Variants in MUC5AC observed in about 807,000 individuals in gnomAD.
MUC5AC encodes the protein mucin-5AC.
In MUC5AC, 158 loss-of-function variants were observed where a neutral mutation model predicts 169.7. The observed-to-expected ratio is 0.93, with a 90% CI of 0.82 to 1.06. The LOEUF (loss-of-function observed/expected upper bound fraction) is 1.06, where lower values mean the gene tolerates loss of function less well. MUC5AC is among the 50% of genes least tolerant of loss of function. MUC5AC has a pLI of 0.00. For synonymous variants in MUC5AC, 1,975 were observed against 1,237.0 expected, an observed-to-expected ratio of 1.60 and a Z score of -12.52; for missense variants, 4,359 against 3,089.9, an observed-to-expected ratio of 1.41 and a Z score of -9.74.
At position 1,197,894 on chromosome 11, in the gene MUC5AC, C is replaced by A. The variant is rs1428022316; in HGVS notation, c.16034-9C>A. 4 of 711,180 alleles carry A rather than the reference C, an allele frequency of 5.6e-6. No individual in the cohort carries two copies. Among genetic ancestry groups the A allele is most frequent in the Non-Finnish European group, 1.0e-5 (4 of 391,500 alleles). The allele number at this position is 711,180 out of a possible 1,614,324, so 44.1% of individuals were successfully genotyped here. ...CAGACTCCTAATTGCCTCACTCCCG[C>A]CCCCGCAGCCTGCAACACCAGCCGC... On this transcript the variant is annotated splice_polypyrimidine_tract_variant and intron_variant, in intron 41 of 48. Coordinates refer to ENST00000621226, the MANE Select transcript of MUC5AC (RefSeq NM_001304359.2).
At position 1,186,068 on chromosome 11, in the gene MUC5AC, C is replaced by A. The variant is rs1213732183; in HGVS notation, c.7923C>A (p.Thr2641=). 1.4e-6 allele frequency: 1 copy of A among 739,470 alleles called. No homozygotes were observed. The highest frequency in any genetic ancestry group is 1.8e-5 in the Admixed American group (1 of 55,128). 45.8% of individuals were successfully genotyped at this position (739,470 alleles called of 1,614,324 possible). A position where few individuals can be genotyped will look rare whatever the true frequency, so the allele number is the denominator to read the frequency against. ...GPETTPSPVP[T]ASTTSASTTS... is the part of the protein sequence containing the mutation. ...AAACTACTCCCAGCCCTGTTCCTAC[C>A]GCCAGCACAACCTCTGCTTCTACAA... is the stretch of plus-strand genomic sequence containing the variant. Residue 2641 remains threonine (T), a synonymous_variant, in exon 31 of 49, where the codon ACC becomes ACA. Coordinates refer to ENST00000621226, the MANE Select transcript of MUC5AC (RefSeq NM_001304359.2).
chr11:1,190,753 C>G lies in MUC5AC; in HGVS notation c.12608C>G (p.Ser4203Cys), dbSNP rs1477923650. The G allele has an allele frequency of 5.7e-6, 4 of 704,414 alleles. No homozygotes were observed. Among genetic ancestry groups the G allele is most frequent in the Non-Finnish European group, 1.0e-5 (4 of 386,006 alleles). 43.6% of individuals were successfully genotyped at this position (704,414 alleles called of 1,614,324 possible). A position where few individuals can be genotyped will look rare whatever the true frequency, so the allele number is the denominator to read the frequency against. ...TISSPTSSTT[S>C]TPQTSKTSAA... Reference sequence around the variant, plus strand: ...TCTTCCCCTACAAGCAGCACAACCTCCACTCCACAGACCAGCAAAACCTCA... The same window carrying G: ...TCTTCCCCTACAAGCAGCACAACCTGCACTCCACAGACCAGCAAAACCTCA... Residue 4203 changes from serine (S) to cysteine (C), a missense_variant, in exon 31 of 49, where the codon TCC (serine) becomes TGC (cysteine). Ser to Cys is a moderately radical substitution (Grantham distance 112). Transcript: ENST00000621226.
chr11:1,163,716 C>T (rs1285346392), intron 6 of MUC5AC, among the ~76,000 whole-genome samples, 166 bp from the exon 7 acceptor site: 1 of 152,082 alleles, frequency 6.6e-6, no homozygotes, highest in Non-Finnish European at 1.5e-5. Context: ...ATGGGGTGGC[C>T]AAGCGGGTGC....
At chr11:1,180,185 C>T (rs1860783522) in intron 27 of MUC5AC, 35 bp downstream of exon 27, 1 of 398,342 alleles carries the variant, frequency 2.5e-6, no homozygotes, top group Non-Finnish European at 4.4e-6. Flanking sequence ...GGCCTGGGCT[C>T]CGCCGCCTGT....
intron 37 of MUC5AC, 149 bp from the exon 38 acceptor site, chr11:1,196,239 C>T (rs1305604596): frequency 9.3e-6 from 6 of 646,490 alleles, no homozygotes; most frequent in East Asian, 2.7e-5. Context: ...GAGCCCGTGG[C>T]GGGGCACTGG....
Position 1,164,490 on chromosome 11 carries a change from G to T in MUC5AC, c.1087G>T (p.Ala363Ser). ...CTGCTCCAACCAGGAGCACTCCCGG[G>T]CCTGTGAGGACCACTGTGTGGCCGG... is the stretch of plus-strand genomic sequence containing the variant. Reference protein sequence around the residue: ...DTCSNQEHSRACEDHCVAGCF... With the variant: ...DTCSNQEHSRSCEDHCVAGCF... Residue 363 changes from alanine to serine, a missense_variant, in exon 9 of 49, where the codon GCC (alanine) becomes TCC (serine). Ala to Ser is a moderately conservative substitution (Grantham distance 99, BLOSUM62 1). Transcript: ENST00000621226. The T allele has an allele frequency of 6.2e-7, 1 of 1,611,742 alleles. No individual in the cohort carries two copies. The highest frequency in any genetic ancestry group is 8.5e-7 in the Non-Finnish European group (1 of 1,179,494).
chr11:1,182,096 G>A (rs980282331), intron 30 of MUC5AC, 59 bp from the exon 31 acceptor site: 1 of 246,368 alleles, frequency 4.1e-6, no homozygotes, highest in Admixed American at 1.3e-4. Context: ...CGCAGGGAGG[G>A]GCGGGCGGCC....
In MUC5AC at chr11:1,196,004, C is replaced by T. The variant is rs747986078; in HGVS notation, c.15587C>T (p.Ala5196Val). 2.2e-5 allele frequency: 17 copies of T among 764,800 alleles called. No individual in the cohort carries two copies. Among genetic ancestry groups the T allele is most frequent in the Admixed American group, 1.0e-4 (6 of 58,986 alleles). The allele number at this position is 764,800 out of a possible 1,614,324, so 47.4% of individuals were successfully genotyped here. A position where few individuals can be genotyped will look rare whatever the true frequency, so the allele number is the denominator to read the frequency against. The change falls in exon 37 of 49, where the codon GCG (alanine) becomes GTG (valine). Residue 5196 changes from alanine (A) to valine (V), a missense_variant. Coordinates refer to ENST00000621226, the MANE Select transcript of MUC5AC (RefSeq NM_001304359.2). ...CTGGAGCTGTACGCGGCACTCTGTG[C>T]GTCCCACGACATCTGCATCGATTGG... ...SSLELYAALC[A>V]SHDICIDWRG...
chr11:1,177,752 C>T (rs898528859), intron 24 of MUC5AC, 119 bp downstream of exon 24: 58 of 356,174 alleles, frequency 1.6e-4, no homozygotes, highest in African/African-American at 9.7e-4. Context: ...GAGATGGAAG[C>T]GGGGTGGGAA....
chr11:1,193,550 C>T lies in MUC5AC; in HGVS notation c.14646C>T (p.Ser4882=), dbSNP rs1265455805. 3.9e-6 allele frequency: 3 copies of T among 763,372 alleles called. No homozygotes were observed. Among genetic ancestry groups the T allele is most frequent in the Non-Finnish European group, 7.2e-6 (3 of 417,242 alleles). The allele number at this position is 763,372 out of a possible 1,614,324, so 47.3% of individuals were successfully genotyped here. A position where few individuals can be genotyped will look rare whatever the true frequency, so the allele number is the denominator to read the frequency against. Reference sequence around the variant, plus strand: ...CCTGTGAGGGCAACAACGTCATCTCCCTGCGCCCGCGCACGTGCCCGAGGG... The same window carrying T: ...CCTGTGAGGGCAACAACGTCATCTCTCTGCGCCCGCGCACGTGCCCGAGGG... ...EATCEGNNVI[S]LRPRTCPRVE... The change falls in exon 33 of 49, where the codon TCC becomes TCT. Residue 4882 remains serine (S), a synonymous_variant. Coordinates refer to ENST00000621226, the MANE Select transcript of MUC5AC (RefSeq NM_001304359.2).
rs79183168 is a variant in MUC5AC, at chr11:1,160,671, A to T, written c.133A>T (p.Ile45Phe). 7 of 1,610,250 alleles carry T rather than the reference A, an allele frequency of 4.3e-6. No homozygotes were observed. The highest frequency in any genetic ancestry group is 1.3e-5 in the African/African-American group (1 of 74,860). The change falls in exon 2 of 49, where the codon ATC (isoleucine) becomes TTC (phenylalanine). Residue 45 changes from isoleucine to phenylalanine, a missense_variant. Coordinates refer to ENST00000621226, the MANE Select transcript of MUC5AC (RefSeq NM_001304359.2). ...CAAGCACCACCCTGCCCTCTCTCCT[A>T]TCGCCCGGGGGCCCAGCGGTGAGTC... is the stretch of plus-strand genomic sequence containing the variant. The part of the protein sequence containing the change: ...SYKHHPALSP[I>F]ARGPSGVPLR...
chr11:1,169,133 C>A, intron 15 of MUC5AC, 107 bp downstream of exon 15: 9 of 1,416,118 alleles, frequency 6.4e-6, no homozygotes, highest in Non-Finnish European at 8.3e-6. Context: ...GCCTGTGAGC[C>A]GGGTGGGGTG....
chr11:1,194,661 G>A lies in MUC5AC; in HGVS notation c.15181G>A (p.Gly5061Ser), dbSNP rs1289782192. 1.3e-6 allele frequency: 1 copy of A among 759,380 alleles called. No individual in the cohort carries two copies. The highest frequency in any genetic ancestry group is 1.7e-5 in the Admixed American group (1 of 58,546). 47.0% of individuals were successfully genotyped at this position (759,380 alleles called of 1,614,324 possible). The change falls in exon 35 of 49, where the codon GGC (glycine) becomes AGC (serine). Residue 5061 changes from glycine (G) to serine (S), a missense_variant. Coordinates refer to ENST00000621226, the MANE Select transcript of MUC5AC (RefSeq NM_001304359.2). The part of the protein sequence containing the change: ...PFSKFANNTE[G>S]QCGTCTNDRK... ...CAGCAAGTTTGCCAACAACACCGAG[G>A]GCCAGTGCGGTGAGGCCACAGGGCT...
rs187811154 is a variant in MUC5AC, at chr11:1,162,423, G to A, written c.474-109G>A. On this transcript the variant is annotated intron_variant, in intron 4 of 48. Coordinates refer to ENST00000621226, the MANE Select transcript of MUC5AC (RefSeq NM_001304359.2). ...AGGTCAATGTCCCCATCCCAGACGC[G>A]ACTTCACGGTCACGATGACCGTGTC... is the stretch of plus-strand genomic sequence containing the variant. 1.2e-4 allele frequency: 131 copies of A among 1,114,806 alleles called. No individual in the cohort carries two copies. The African/African-American group carries it at 1.7e-3, about 14-fold the overall frequency. The allele number at this position is 1,114,806 out of a possible 1,614,324, so 69.1% of individuals were successfully genotyped here.
At chr11:1,180,287 C>T (rs1860786291) in intron 27 of MUC5AC, 67 bp from the exon 28 acceptor site, 1 of 398,632 alleles carries the variant, frequency 2.5e-6, no homozygotes, top group Non-Finnish European at 4.4e-6. Context: ...GGGGGCTGGG[C>T]GGAGCCCTCC....
intron 42 of MUC5AC, 88 bp downstream of exon 42, chr11:1,198,092 G>A (rs369828122): frequency 1.1e-5 from 7 of 645,330 alleles, no homozygotes; most frequent in South Asian, 3.4e-5. Flanking sequence ...ATGCCAGTGC[G>A]GCTTGTCCAC....
Position 1,186,036 on chromosome 11 carries a change from G to C in MUC5AC, c.7891G>C (p.Gly2631Arg), listed in dbSNP as rs1860935345. Residue 2631 changes from glycine to arginine, a missense_variant, in exon 31 of 49, where the codon GGT becomes CGT. Physicochemically the swap from Gly to Arg is moderately radical, Grantham distance 125. Coordinates refer to ENST00000621226, the MANE Select transcript of MUC5AC (RefSeq NM_001304359.2). ...TSATTTSRIS[G>R]PETTPSPVPT... ...TGCCACTACAACCAGCAGAATCTCT[G>C]GTCCTGAAACTACTCCCAGCCCTGT... 1 of 733,020 alleles carries C rather than the reference G, an allele frequency of 1.4e-6. No homozygotes were observed. 45.4% of individuals were successfully genotyped at this position (733,020 alleles called of 1,614,324 possible). A position where few individuals can be genotyped will look rare whatever the true frequency, so the allele number is the denominator to read the frequency against.
At chr11:1,194,705 T>G in intron 35 of MUC5AC, 35 bp downstream of exon 35, 1 of 721,680 alleles carries the variant, frequency 1.4e-6, no homozygotes, top group Admixed American at 1.9e-5. Context: ...TCGTCTGGCA[T>G]TCGCGGGGGC....
Position 1,182,167 on chromosome 11 carries a change from C to G in MUC5AC, c.4022C>G (p.Thr1341Arg), listed in dbSNP as rs1264107874. 1.3e-4 allele frequency: 51 copies of G among 398,542 alleles called. 1 individual carries two copies. The Admixed American group carries it at 2.2e-3, about 17-fold the overall frequency. The allele number at this position is 398,542 out of a possible 1,614,324, so 24.7% of individuals were successfully genotyped here. Residue 1341 changes from threonine to arginine, a missense_variant, in exon 31 of 49, where the codon ACG (threonine) becomes AGG (arginine). Coordinates refer to ENST00000621226, the MANE Select transcript of MUC5AC (RefSeq NM_001304359.2). ...FSTPPLVVSS[T>R]HTPSNGPSSA... ...CTTCTGCCCACAGTCGTGAGCTCCACGCACACCCCCAGCAATGGCCCAAGC... is the reference window on the plus strand; with the variant it reads ...CTTCTGCCCACAGTCGTGAGCTCCAGGCACACCCCCAGCAATGGCCCAAGC...
Sources: allele counts gnomAD v4.1 joint callset (sites outside exome capture counted in the v4.1 genomes callset), GRCh38; gene constraint gnomAD v4.1.1; transcripts MANE v1.5; gene names NCBI Gene and HGNC (gene_info 2026-07-23, HGNC 2026-07-21).